Variants in YTHDF2 observed in about 807,000 individuals in gnomAD.
YTHDF2 encodes the protein YTH N6-methyladenosine RNA binding protein F2.
YTHDF2 carries 2 observed loss-of-function variants against 50.4 expected under a neutral mutation model. That is an observed-to-expected ratio of 0.04 (90% CI 0.02 to 0.12). The LOEUF is 0.12. Ranked by LOEUF, YTHDF2 falls within the 10% of genes least tolerant of loss-of-function variation. The probability of loss-of-function intolerance (pLI) is 1.00; values close to 1 mark genes in which losing one functional copy is unlikely to be tolerated. For missense variants in YTHDF2, 483 were observed against 722.6 expected, an observed-to-expected ratio of 0.67 and a Z score of 3.80; for synonymous variants, 217 against 255.6, an observed-to-expected ratio of 0.85 and a Z score of 1.44.
chr1:28,752,318 A>G (rs1186684368), intron 4 of YTHDF2, among the ~76,000 whole-genome samples: 1 of 144,078 alleles, frequency 6.9e-6, no homozygotes, highest in Non-Finnish European at 1.5e-5. Flanking sequence ...GTTGTTTTTG[A>G]GACGGAGTCT....
At chr1:28,736,799 C>T (rs1180809950), upstream of YTHDF2, 1 of 351,616 alleles carries the variant, frequency 2.8e-6, no homozygotes, top group Non-Finnish European at 5.2e-6. Flanking sequence ...CGCCGGGCCC[C>T]TTCCGCGTGG....
chr1:28,766,319 G>A (rs187285854), intron 4 of YTHDF2, among the ~76,000 whole-genome samples: 2 of 152,206 alleles, frequency 1.3e-5, no homozygotes, highest in African/African-American at 2.4e-5. Context: ...GCTTTGCCAG[G>A]TTGCCCAGGC....
intron 4 of YTHDF2, among the ~76,000 whole-genome samples, chr1:28,768,368 G>A (rs1438367862): frequency 1.3e-5 from 2 of 151,588 alleles, no homozygotes; most frequent in African/African-American, 4.8e-5. Flanking sequence ...CACCTCCCTA[G>A]GGAAGGAGGC....
intron 4 of YTHDF2, among the ~76,000 whole-genome samples, chr1:28,763,307 T>C (rs2088162039): frequency 6.6e-6 from 1 of 152,046 alleles, no homozygotes; most frequent in Non-Finnish European, 1.5e-5. Flanking sequence ...AGAGTTTTGC[T>C]CTTTTGCCCA....
intron 4 of YTHDF2, among the ~76,000 whole-genome samples, chr1:28,754,540 T>C (rs1329053143): frequency 7.2e-6 from 1 of 138,010 alleles, no homozygotes; most frequent in East Asian, 2.2e-4. Flanking sequence ...AAAAAAAAAA[T>C]TGGCCGGGCG....
chr1:28,755,327 C>G (rs112682273), intron 4 of YTHDF2, among the ~76,000 whole-genome samples: 2,326 of 152,190 alleles, frequency 0.015, 50 homozygotes, highest in African/African-American at 0.053. Flanking sequence ...AAGAGTTTGA[C>G]TTTTCAAAGA....
At chr1:28,756,562 A>G (rs1482427091) in intron 4 of YTHDF2, among the ~76,000 whole-genome samples, 2 of 152,106 alleles carry the variant, frequency 1.3e-5, no homozygotes, top group African/African-American at 2.4e-5. Flanking sequence ...CATCTCTCCT[A>G]TGAAGCATAA....
At position 28,743,899 on chromosome 1, in the gene YTHDF2, T is replaced by C. The variant is rs764991538; in HGVS notation, c.1629T>C (p.Ile543=). Residue 543 remains isoleucine, a synonymous_variant, in exon 4 of 5, where the codon ATT becomes ATC. Coordinates refer to ENST00000373812, the MANE Select transcript of YTHDF2 (RefSeq NM_016258.3). This position sits in a 1 kb window ranked among gnomAD's most constrained non-coding sequence, Gnocchi z 6.9. ...PLEKAKQVLK[I]IASYKHTTSI... ...AAAAGGCTAAGCAGGTGTTGAAAAT[T>C]ATAGCCAGCTACAAGCACACCACTT... 121 of 1,608,850 alleles carry C rather than the reference T, an allele frequency of 7.5e-5. 4 individuals carry two copies. The South Asian group carries it at 1.3e-3, about 18-fold the overall frequency.
intron 4 of YTHDF2, among the ~76,000 whole-genome samples, chr1:28,768,648 A>G (rs913997740): frequency 6.6e-6 from 1 of 152,120 alleles, no homozygotes; most frequent in Admixed American, 6.6e-5. Flanking sequence ...TTAGGCCCAT[A>G]TTTTTGGGGG....
chr1:28,742,214 C>T (rs539305440), intron 3 of YTHDF2, among the ~76,000 whole-genome samples, 189 bp from the exon 4 acceptor site: 1 of 152,022 alleles, frequency 6.6e-6, no homozygotes, highest in East Asian at 1.9e-4. Context: ...AGGTTGGTCT[C>T]GAGCTCCTGA....
rs2088264285 is a variant in YTHDF2, at chr1:28,769,096, T to C, written c.*144T>C. On this transcript the variant is annotated 3_prime_UTR_variant, in exon 5 of 5. Transcript: ENST00000373812. Reference sequence around the variant, plus strand: ...GACTTGCAGTTTAAGTATTGGAATTTCACAAAAGACATAGGACTTAACTGG... The same window carrying C: ...GACTTGCAGTTTAAGTATTGGAATTCCACAAAAGACATAGGACTTAACTGG... 5.3e-6 allele frequency: 3 copies of C among 563,854 alleles called. No individual in the cohort carries two copies. The highest frequency in any genetic ancestry group is 5.7e-6 in the Non-Finnish European group (2 of 350,968). The allele number at this position is 563,854 out of a possible 1,614,324, so 34.9% of individuals were successfully genotyped here. A position where few individuals can be genotyped will look rare whatever the true frequency, so the allele number is the denominator to read the frequency against.
At chr1:28,754,963 C>CAAAA (rs58411768) in intron 4 of YTHDF2, among the ~76,000 whole-genome samples, 2 of 81,456 alleles carry the variant, frequency 2.5e-5, no homozygotes, top group Non-Finnish European at 4.7e-5. Flanking sequence ...GGTGACAGCT[C>CAAAA]AAAAAAAAAA....
chr1:28,745,795 T>A (rs2087850529), intron 4 of YTHDF2, among the ~76,000 whole-genome samples: 1 of 129,818 alleles, frequency 7.7e-6, no homozygotes, highest in African/African-American at 2.9e-5. Context: ...ATCCCAACAC[T>A]TTGGGAGGAC....
chr1:28,743,956 A>G lies in YTHDF2; in HGVS notation c.1686A>G (p.Lys562=). The G allele has an allele frequency of 6.4e-7, 1 of 1,555,992 alleles. No individual in the cohort carries two copies. Among genetic ancestry groups the G allele is most frequent in the South Asian group, 1.2e-5 (1 of 82,352 alleles). The change falls in exon 4 of 5, where the codon AAA becomes AAG. Residue 562 remains lysine, a synonymous_variant. Transcript: ENST00000373812. This position sits in a 1 kb window ranked among gnomAD's most constrained non-coding sequence, Gnocchi z 6.9. ...SIFDDFSHYE[K]RQEEEESVKK... Reference sequence around the variant, plus strand: ...TTGATGACTTCTCACACTATGAGAAACGCCAAGAGGAAGAAGAAAGTGTTA... The same window carrying G: ...TTGATGACTTCTCACACTATGAGAAGCGCCAAGAGGAAGAAGAAAGTGTTA...
chr1:28,744,836 T>C (rs1369454500), intron 4 of YTHDF2, among the ~76,000 whole-genome samples: 2 of 151,898 alleles, frequency 1.3e-5, no homozygotes, highest in Non-Finnish European at 2.9e-5. Flanking sequence ...GCCCGGCTAG[T>C]TTTTCATGTT....
intron 4 of YTHDF2, among the ~76,000 whole-genome samples, chr1:28,748,194 C>T (rs924296129): frequency 6.6e-6 from 1 of 151,970 alleles, no homozygotes; most frequent in Admixed American, 6.6e-5. Context: ...GCTTCTAAGC[C>T]CAGTTACCAT....
Position 28,766,486 on chromosome 1 carries a change from G to A in YTHDF2, c.1717-2443G>A, listed in dbSNP as rs564157185. Among the ~76,000 whole-genome samples the A allele has an allele frequency of 3.9e-5, 6 of 152,258 alleles. No homozygotes were observed. In the South Asian group the frequency reaches 1.0e-3, roughly 26 times the overall value. On this transcript the variant is annotated intron_variant, in intron 4 of 4. Coordinates refer to ENST00000373812, the MANE Select transcript of YTHDF2 (RefSeq NM_016258.3). ...TTCAAGTGAGGTTGTATCCTTCTCAGTGCATCATACTGGGAGGTACAAGAT... is the reference window on the plus strand; with the variant it reads ...TTCAAGTGAGGTTGTATCCTTCTCAATGCATCATACTGGGAGGTACAAGAT...
chr1:28,743,990 A>C lies in YTHDF2; in HGVS notation c.1716+4A>C, dbSNP rs748000189. On this transcript the variant is annotated splice_donor_region_variant and intron_variant, in intron 4 of 4. Coordinates refer to ENST00000373812, the MANE Select transcript of YTHDF2 (RefSeq NM_016258.3). The surrounding 1 kb of genome is among the most constrained non-coding windows in gnomAD (Gnocchi z 6.9). Reference sequence around the variant, plus strand: ...GGAAGAAGAAAGTGTTAAAAAGGTAACCCACTTCTTCTTATTAAGATTTTT... The same window carrying C: ...GGAAGAAGAAAGTGTTAAAAAGGTACCCCACTTCTTCTTATTAAGATTTTT... 1.4e-5 allele frequency: 21 copies of C among 1,529,404 alleles called. 1 individual carries two copies. The South Asian group carries it at 2.6e-4, about 19-fold the overall frequency. 94.7% of individuals were successfully genotyped at this position (1,529,404 alleles called of 1,614,324 possible).
chr1:28,742,239 C>T (rs1283461572), intron 3 of YTHDF2, among the ~76,000 whole-genome samples, 164 bp from the exon 4 acceptor site: 1 of 152,062 alleles, frequency 6.6e-6, no homozygotes, highest in Non-Finnish European at 1.5e-5. Context: ...AGGTGATCCA[C>T]CCGCCTCCAC....
Sources: gnomAD v4.1 joint callset for allele counts (sites outside exome capture counted in the v4.1 genomes callset) on GRCh38, gnomAD v4.1.1 for gene constraint, Gnocchi (gnomAD v3.1) non-coding constraint, MANE v1.5 for transcripts, NCBI Gene and HGNC (gene_info 2026-07-23, HGNC 2026-07-21) for gene names.